The following NAV1 variants were observed in gnomAD, a reference collection of about 807,000 sequenced individuals.
The protein encoded by NAV1 is neuron navigator 1, also known as pore membrane and/or filament interacting like protein 3.
NAV1 carries 18 observed loss-of-function variants against 175.2 expected under a neutral mutation model. That is an observed-to-expected ratio of 0.10 (90% CI 0.07 to 0.15). NAV1 has a LOEUF of 0.15. NAV1 is among the 10% of genes least tolerant of loss of function. The pLI, the probability that NAV1 is intolerant of heterozygous loss-of-function variation, is 1.00. For synonymous variants in NAV1, 897 were observed against 978.7 expected, an observed-to-expected ratio of 0.92 and a Z score of 1.56; for missense variants, 1,731 against 2,436.6, an observed-to-expected ratio of 0.71 and a Z score of 6.10.
chr1:201,742,057 T>C (rs1430591301), intron 3 of NAV1, among the ~76,000 whole-genome samples: 2 of 152,170 alleles, frequency 1.3e-5, no homozygotes, highest in East Asian at 3.9e-4. Flanking sequence ...TCAGGTCAAT[T>C]GCTATTGGTA....
chr1:201,779,124 G>A (rs1676139411), intron 3 of NAV1, among the ~76,000 whole-genome samples: 2 of 152,180 alleles, frequency 1.3e-5, no homozygotes, highest in Admixed American at 1.3e-4. Flanking sequence ...TTGGAAAACA[G>A]GACCTTTGAA....
At position 201,793,728 on chromosome 1, in the gene NAV1, T is replaced by G. The variant is rs1206104725; in HGVS notation, c.3322-64T>G. The G allele has an allele frequency of 4.3e-6, 6 of 1,390,286 alleles. No individual in the cohort carries two copies. In the East Asian group the frequency reaches 1.4e-4, roughly 32 times the overall value. The allele number at this position is 1,390,286 out of a possible 1,614,324, so 86.1% of individuals were successfully genotyped here. A position where few individuals can be genotyped will look rare whatever the true frequency, so the allele number is the denominator to read the frequency against. On this transcript the variant is annotated intron_variant, in intron 13 of 29. Transcript: ENST00000367296. ...GAAATCAGTTAAAACTATTTCCCAT[T>G]GTCAGTTATTGCCTTTCCCCCAGCC...
intron 2 of NAV1, among the ~76,000 whole-genome samples, chr1:201,612,561 C>G (rs1008752217): frequency 5.3e-5 from 8 of 152,194 alleles, no homozygotes; most frequent in Non-Finnish European, 8.8e-5. Context: ...TGGTGAAGGC[C>G]TGTTCCCCAT....
Position 201,807,969 on chromosome 1 carries a change from A to G in NAV1, c.3665A>G (p.Asn1222Ser). Residue 1222 changes from asparagine to serine, a missense_variant, in exon 18 of 30, where the codon AAC (asparagine) becomes AGC (serine). Asn to Ser is a conservative substitution (Grantham distance 46). Around this residue, in one of 13 missense-constraint regions of NAV1, gnomAD observed 146 missense variants for 176.8 expected, o/e 0.83. Coordinates refer to ENST00000367296, the Ensembl canonical transcript of NAV1. This position sits in a 1 kb window ranked among gnomAD's most constrained non-coding sequence, Gnocchi z 5.4. ...TTTTTCTAGCTTCGAAGTTCCTTCA[A>G]CAAAGCGTTCAGTATAAAAAAGGGG... The G allele has an allele frequency of 6.2e-7, 1 of 1,614,196 alleles. No homozygotes were observed. The highest frequency in any genetic ancestry group is 8.5e-7 in the Non-Finnish European group (1 of 1,180,038).
intron 1 of NAV1, among the ~76,000 whole-genome samples, chr1:201,674,849 C>T (rs1670181495): frequency 6.6e-6 from 1 of 152,046 alleles, no homozygotes; most frequent in South Asian, 2.1e-4. Flanking sequence ...CCAGCCTGGC[C>T]AACATGGTGA....
intron 1 of NAV1, among the ~76,000 whole-genome samples, chr1:201,552,374 T>A (rs1403662327): frequency 6.6e-6 from 1 of 152,148 alleles, no homozygotes; most frequent in African/African-American, 2.4e-5. Context: ...GGGATGCCTT[T>A]AAGCTGAGGT....
At chr1:201,615,992 C>T (rs1034408354) in intron 2 of NAV1, among the ~76,000 whole-genome samples, 2 of 150,632 alleles carry the variant, frequency 1.3e-5, no homozygotes, top group Non-Finnish European at 2.9e-5. Context: ...GATGGAGGGA[C>T]ACTTGAAAAA....
chr1:201,706,102 G>C (rs998497137), intron 1 of NAV1, among the ~76,000 whole-genome samples: 3 of 152,292 alleles, frequency 2.0e-5, no homozygotes, highest in Admixed American at 2.0e-4. Flanking sequence ...TCCCAAAGAC[G>C]TTTGACTCAT....
chr1:201,665,467 G>T (rs377189224), intron 1 of NAV1, among the ~76,000 whole-genome samples: 26 of 151,962 alleles, frequency 1.7e-4, no homozygotes, highest in Non-Finnish European at 3.1e-4. Context: ...ATTTCTGTCC[G>T]CACTAGCCAC....
chr1:201,680,377 A>G (rs1302679157), intron 1 of NAV1, among the ~76,000 whole-genome samples: 7 of 152,016 alleles, frequency 4.6e-5, no homozygotes, highest in Admixed American at 4.6e-4. Flanking sequence ...ATGGTGACAC[A>G]TGCCTGTAAT....
At chr1:201,707,300 T>C (rs754685245) in intron 1 of NAV1, among the ~76,000 whole-genome samples, 6 of 152,180 alleles carry the variant, frequency 3.9e-5, no homozygotes, top group Admixed American at 1.3e-4. Flanking sequence ...GCACCCGTTG[T>C]TCACCCACCT....
exon 22 of NAV1, chr1:201,809,504 G>A: frequency 6.2e-7 from 1 of 1,614,136 alleles, no homozygotes. Flanking sequence ...TTGACTGGAA[G>A]ATGCTGGATG....
chr1:201,709,548 C>T (rs1277392269), intron 1 of NAV1, among the ~76,000 whole-genome samples: 17 of 152,308 alleles, frequency 1.1e-4, no homozygotes, highest in African/African-American at 3.9e-4. Flanking sequence ...GGGAATGTGT[C>T]TGTCACCTAG....
In NAV1 at chr1:201,718,781, C is replaced by CG; in HGVS notation, c.1226+31dup. The CG allele has an allele frequency of 1.3e-6, 2 of 1,575,276 alleles. No homozygotes were observed. Among genetic ancestry groups the CG allele is most frequent in the Non-Finnish European group, 1.7e-6 (2 of 1,154,558 alleles). On this transcript the variant is annotated intron_variant, in intron 3 of 29. Transcript: ENST00000367296. The surrounding 1 kb of genome is among the most constrained non-coding windows in gnomAD (Gnocchi z 4.8). ...GTAAGCGCAGGGGCTTCTTGGATGG[C>CG]GGGGGAGGATGGTGGAAAGACCACT...
chr1:201,597,922 G>A (rs1242589362), intron 2 of NAV1, among the ~76,000 whole-genome samples: 2 of 152,204 alleles, frequency 1.3e-5, no homozygotes, highest in African/African-American at 2.4e-5. Flanking sequence ...GGGGAAGTAG[G>A]CCCCACCCAC....
chr1:201,778,014 ACT>A (rs1676073195), intron 3 of NAV1, among the ~76,000 whole-genome samples: 1 of 152,148 alleles, frequency 6.6e-6, no homozygotes, highest in African/African-American at 2.4e-5. Context: ...GAGATGCTTA[ACT>A]CTCATGTAAT....
At chr1:201,552,457 T>C (rs1355159457) in intron 1 of NAV1, among the ~76,000 whole-genome samples, 1 of 151,580 alleles carries the variant, frequency 6.6e-6, no homozygotes, top group African/African-American at 2.4e-5. Flanking sequence ...CCTGGCTTGT[T>C]CAGAGGCCAC....
At position 201,636,088 on chromosome 1, in the gene NAV1, A is replaced by G. The variant is rs79131418; in HGVS notation, c.4+6581A>G. On this transcript the variant is annotated intron_variant, in intron 2 of 29. Transcript: ENST00000367302. Reference sequence around the variant, plus strand: ...TGCAGCTCTGAAGATCTGGCCCCTCAGATCTTTGCCCCATGCCTGGGCAGA... The same window carrying G: ...TGCAGCTCTGAAGATCTGGCCCCTCGGATCTTTGCCCCATGCCTGGGCAGA... Among the ~76,000 whole-genome samples, 5 of 152,226 alleles carry G rather than the reference A, an allele frequency of 3.3e-5. No individual in the cohort carries two copies. The East Asian group carries it at 9.6e-4, about 29-fold the overall frequency.
At chr1:201,632,364 C>T (rs1668501594) in intron 2 of NAV1, among the ~76,000 whole-genome samples, 1 of 152,232 alleles carries the variant, frequency 6.6e-6, no homozygotes, top group South Asian at 2.1e-4. Flanking sequence ...TGGAAATGCC[C>T]AGCCCACTGA....
Sources: allele counts gnomAD v4.1 joint callset (sites outside exome capture counted in the v4.1 genomes callset), GRCh38; gene constraint gnomAD v4.1.1; regional missense constraint gnomAD v4.1.1; non-coding constraint Gnocchi (gnomAD v3.1); transcripts MANE v1.5; gene names NCBI Gene and HGNC (gene_info 2026-07-23, HGNC 2026-07-21).